Variants in CRACD observed in about 807,000 individuals in gnomAD.
CRACD encodes the protein capping protein-inhibiting regulator of actin dynamics.
A neutral mutation model predicts 106.8 loss-of-function variants in CRACD; 56 were observed. The ratio of observed to expected loss-of-function variants is 0.52; its 90% CI spans 0.42 to 0.66. The LOEUF is 0.66. Among genes scored for constraint, CRACD ranks in the 30% least tolerant of loss-of-function variants. The pLI, the probability that CRACD is intolerant of heterozygous loss-of-function variation, is 0.00. For synonymous variants in CRACD, 754 were observed against 670.8 expected (o/e 1.12, Z -1.92); for missense variants, 1,730 against 1,623.2 (o/e 1.07, Z -1.13).
intron 1 of CRACD, among the ~76,000 whole-genome samples, chr4:56,118,266 C>T (rs933728982): frequency 3.1e-4 from 47 of 152,090 alleles, no homozygotes; most frequent in Non-Finnish European, 4.6e-4. Context: ...TATCCAAAGG[C>T]TCCGTTTCCC....
At chr4:56,075,190 G>T (rs982532054) in intron 1 of CRACD, among the ~76,000 whole-genome samples, 15 of 152,154 alleles carry the variant, frequency 9.9e-5, no homozygotes, top group Admixed American at 3.9e-4. Context: ...TCAGGATGAT[G>T]CTGGCCTCAT....
chr4:56,059,840 C>A (rs536376004), intron 1 of CRACD, among the ~76,000 whole-genome samples: 9 of 152,108 alleles, frequency 5.9e-5, no homozygotes, highest in Non-Finnish European at 1.3e-4. Flanking sequence ...TGCGCCACCA[C>A]ACCTGGCTAA....
At chr4:56,071,893 C>T (rs1358521632) in intron 1 of CRACD, among the ~76,000 whole-genome samples, 2 of 151,408 alleles carry the variant, frequency 1.3e-5, no homozygotes. Context: ...TTTGGGAGGC[C>T]GAGGCGGGCG....
chr4:56,115,846 G>A (rs1041258447), intron 1 of CRACD, among the ~76,000 whole-genome samples: 2 of 152,252 alleles, frequency 1.3e-5, no homozygotes, highest in Admixed American at 6.5e-5. Flanking sequence ...AGTGTTAATT[G>A]TTTTCATCCC....
chr4:56,254,401 T>G (rs968544527), intron 2 of CRACD, among the ~76,000 whole-genome samples: 3 of 65,948 alleles, frequency 4.5e-5, no homozygotes, highest in African/African-American at 1.8e-4. Context: ...TGTGGGGGTT[T>G]TTTTTTTTTT....
At chr4:56,198,218 A>C (rs1737712288) in intron 2 of CRACD, among the ~76,000 whole-genome samples, 1 of 152,184 alleles carries the variant, frequency 6.6e-6, no homozygotes, top group South Asian at 2.1e-4. Flanking sequence ...AAATGGCGGT[A>C]CATCCACCAT....
At chr4:56,262,337 T>C (rs932154164) in intron 2 of CRACD, among the ~76,000 whole-genome samples, 4 of 152,224 alleles carry the variant, frequency 2.6e-5, no homozygotes, top group Non-Finnish European at 5.9e-5. Context: ...GTTATGTATG[T>C]ATGTGTTTTG....
At chr4:56,057,252 T>C (rs1201893481) in intron 1 of CRACD, among the ~76,000 whole-genome samples, 1 of 152,178 alleles carries the variant, frequency 6.6e-6, no homozygotes, top group Non-Finnish European at 1.5e-5. Flanking sequence ...GCCTGTAGTC[T>C]CTCCCTGCTA....
intron 3 of CRACD, among the ~76,000 whole-genome samples, chr4:56,296,305 G>C (rs1487342671): frequency 6.6e-6 from 1 of 152,006 alleles, no homozygotes; most frequent in African/African-American, 2.4e-5. Context: ...GATTAAATGA[G>C]ATAATGAAAG....
intron 3 of CRACD, among the ~76,000 whole-genome samples, chr4:56,295,701 ATATATATAT>A (rs1743980387): frequency 1.0e-5 from 1 of 95,334 alleles, no homozygotes; most frequent in African/African-American, 4.1e-5. Context: ...ATATATATAT[ATATATATAT>A]ATGCCCTTTG....
At chr4:56,112,595 C>A (rs551132356) in intron 1 of CRACD, among the ~76,000 whole-genome samples, 1 of 152,114 alleles carries the variant, frequency 6.6e-6, no homozygotes. Context: ...GTTCATCCCT[C>A]GGCTCCCCCT....
At chr4:56,133,358 T>G (rs1734889207) in intron 1 of CRACD, among the ~76,000 whole-genome samples, 1 of 152,188 alleles carries the variant, frequency 6.6e-6, no homozygotes, top group Non-Finnish European at 1.5e-5. Flanking sequence ...AAGCATGAAT[T>G]TGCTGTTGTT....
intron 1 of CRACD, among the ~76,000 whole-genome samples, chr4:56,088,132 CT>C (rs11305512): frequency 0.4 from 52,271 of 131,762 alleles, 9,719 homozygotes; most frequent in African/African-American, 0.56. Flanking sequence ...TAGATTGTTT[CT>C]TTTTTTTTTT....
chr4:56,205,303 C>T (rs1738070788), intron 2 of CRACD, among the ~76,000 whole-genome samples: 1 of 151,924 alleles, frequency 6.6e-6, no homozygotes, highest in Non-Finnish European at 1.5e-5. Flanking sequence ...TGTATATGTT[C>T]CTACTGTGAA....
At chr4:56,146,276 A>G (rs1273419772) in intron 1 of CRACD, among the ~76,000 whole-genome samples, 1 of 152,154 alleles carries the variant, frequency 6.6e-6, no homozygotes, top group African/African-American at 2.4e-5. Flanking sequence ...TGTTATAAAC[A>G]TGATCAGCTA....
chr4:56,190,576 T>C (rs1737325785), intron 2 of CRACD, among the ~76,000 whole-genome samples: 1 of 152,220 alleles, frequency 6.6e-6, no homozygotes, highest in African/African-American at 2.4e-5. Flanking sequence ...TATTAGTCTG[T>C]TCTCACATCT....
Position 56,330,395 on chromosome 4 carries a change from C to T in CRACD, c.*2591C>T, listed in dbSNP as rs1043217274. On this transcript the variant is annotated 3_prime_UTR_variant, in exon 11 of 11. Coordinates refer to ENST00000682029, the MANE Select transcript of CRACD (RefSeq NM_001393381.1). The stretch of plus-strand genomic sequence containing the variant: ...TCTGCAAATATATAGTATGTATTGT[C>T]TCTTCTTGTGACGTTTAGTTTAATT... Among the ~76,000 whole-genome samples, 2 of 151,922 alleles carry T rather than the reference C, an allele frequency of 1.3e-5. No homozygotes were observed. Among genetic ancestry groups the T allele is most frequent in the Non-Finnish European group, 2.9e-5 (2 of 67,976 alleles).
At chr4:56,057,799 ATTTTTTTTTTTTTTGTTTTT>A (rs1732130940) in intron 1 of CRACD, among the ~76,000 whole-genome samples, 1 of 43,482 alleles carries the variant, frequency 2.3e-5, no homozygotes, top group Admixed American at 2.1e-4. Context: ...CATTTTTTGT[ATTTTTTTTTTTTTTGTTTTT>A]TTTTTTTTTT....
In CRACD at chr4:56,316,706, T is replaced by G. The variant is rs768382977; in HGVS notation, c.3187+17T>G. ...GGAGGAAAGGTAGGTAGCTGCAGGG[T>G]GGGTAACTGCTGCCAGCCGAGGTGT... On this transcript the variant is annotated intron_variant, in intron 8 of 10. Coordinates refer to ENST00000682029, the MANE Select transcript of CRACD (RefSeq NM_001393381.1). 3 of 1,590,192 alleles carry G rather than the reference T, an allele frequency of 1.9e-6. No individual in the cohort carries two copies. The highest frequency in any genetic ancestry group is 2.6e-6 in the Non-Finnish European group (3 of 1,165,430).
Sources: gnomAD v4.1 joint callset for allele counts (sites outside exome capture counted in the v4.1 genomes callset) on GRCh38, gnomAD v4.1.1 for gene constraint, MANE v1.5 for transcripts, NCBI Gene and HGNC (gene_info 2026-07-23, HGNC 2026-07-21) for gene names.